Variants in NRXN3 observed in about 807,000 individuals in gnomAD.
NRXN3 encodes the protein neurexin 3, also known as neurexin III.
In NRXN3, 32 loss-of-function variants were observed where a neutral mutation model predicts 137.6. The ratio of observed to expected loss-of-function variants is 0.23; its 90% CI spans 0.18 to 0.31. NRXN3 has a LOEUF of 0.31. NRXN3 is among the 10% of genes least tolerant of loss of function. The pLI, the probability that NRXN3 is intolerant of heterozygous loss-of-function variation, is 1.00. For missense variants in NRXN3, 1,574 were observed against 2,062.5 expected, an observed-to-expected ratio of 0.76 and a Z score of 4.59; for synonymous variants, 798 against 784.5, an observed-to-expected ratio of 1.02 and a Z score of -0.29.
chr14:78,778,804 CTTTCTT>C (rs2098757503), intron 8 of NRXN3, among the ~76,000 whole-genome samples: 1 of 104,450 alleles, frequency 9.6e-6, no homozygotes, highest in African/African-American at 4.3e-5. Context: ...TTCTTTCTTT[CTTTCTT>C]TCTTTCTTTC....
At chr14:79,174,630 G>A (rs1201836288) in intron 15 of NRXN3, among the ~76,000 whole-genome samples, 1 of 147,892 alleles carries the variant, frequency 6.8e-6, no homozygotes, top group African/African-American at 2.5e-5. Flanking sequence ...TTTTGCGGTG[G>A]TTTAAAAAAA....
chr14:79,668,674 C>T (rs2098585188), intron 17 of NRXN3, among the ~76,000 whole-genome samples: 1 of 152,052 alleles, frequency 6.6e-6, no homozygotes, highest in East Asian at 1.9e-4. Context: ...ACATTTGGGG[C>T]TGGACACATC....
intron 15 of NRXN3, among the ~76,000 whole-genome samples, chr14:79,140,504 A>G (rs541006467): frequency 6.6e-6 from 1 of 151,984 alleles, no homozygotes; most frequent in Non-Finnish European, 1.5e-5. Context: ...CCTCCTGAGT[A>G]TAAGTGGATA....
intron 4 of NRXN3, among the ~76,000 whole-genome samples, chr14:78,554,472 C>G (rs572566864): frequency 6.6e-5 from 10 of 152,178 alleles, no homozygotes; most frequent in Non-Finnish European, 1.3e-4. Flanking sequence ...ACCAAATTGG[C>G]TTTTGGATCT....
intron 15 of NRXN3, among the ~76,000 whole-genome samples, chr14:79,169,987 T>G (rs1442235710): frequency 1.3e-5 from 2 of 152,160 alleles, no homozygotes; most frequent in African/African-American, 4.8e-5. Context: ...AGGGTAGGCA[T>G]AAGCTGGCGT....
chr14:79,341,518 C>T lies in NRXN3; in HGVS notation c.3263-125703C>T, dbSNP rs116026600. ...AGAATCAGCAGTTTAACAAGATCTC[C>T]GGAGGCTGTGGGGGAGACTCACAGG... On this transcript the variant is annotated intron_variant, in intron 15 of 20. Coordinates refer to ENST00000335750, the MANE Select transcript of NRXN3 (RefSeq NM_001330195.2). 3.7e-3 allele frequency among the ~76,000 whole-genome samples: 556 copies of T among 152,228 alleles called. 1 individual carries two copies. The highest frequency in any genetic ancestry group is 0.012 in the African/African-American group (515 of 41,530).
At chr14:78,217,063 T>TAA (rs2063365401) in intron 1 of NRXN3, among the ~76,000 whole-genome samples, 1 of 152,230 alleles carries the variant, frequency 6.6e-6, no homozygotes, top group African/African-American at 2.4e-5. Flanking sequence ...TACCAGGTGT[T>TAA]AAGACTTCAA....
chr14:78,404,331 G>T (rs1308354484), intron 4 of NRXN3, among the ~76,000 whole-genome samples: 1 of 152,054 alleles, frequency 6.6e-6, no homozygotes, highest in Non-Finnish European at 1.5e-5. Context: ...GGAGGAGGCA[G>T]CTATAGATTT....
At chr14:78,350,160 G>A (rs899144319) in intron 4 of NRXN3, among the ~76,000 whole-genome samples, 11 of 152,060 alleles carry the variant, frequency 7.2e-5, no homozygotes, top group Admixed American at 2.6e-4. Context: ...ATGGTGGTGC[G>A]TACCTGTAAT....
chr14:79,126,127 T>G (rs942701630), intron 15 of NRXN3, among the ~76,000 whole-genome samples: 152 of 152,228 alleles, frequency 1.0e-3, no homozygotes, highest in African/African-American at 3.6e-3. Flanking sequence ...TAATTTTAAT[T>G]AACTTAAACT....
chr14:79,060,181 C>T (rs969395324), intron 15 of NRXN3, among the ~76,000 whole-genome samples: 1 of 152,150 alleles, frequency 6.6e-6, no homozygotes, highest in Non-Finnish European at 1.5e-5. Flanking sequence ...AAGTCCCATT[C>T]AATGTTCTGT....
chr14:79,108,059 T>C (rs2052777888), intron 15 of NRXN3, among the ~76,000 whole-genome samples: 1 of 152,130 alleles, frequency 6.6e-6, no homozygotes. Context: ...GTAGAATTTG[T>C]GAACAGGGAA....
chr14:79,572,501 G>A (rs890051422), intron 16 of NRXN3, among the ~76,000 whole-genome samples: 2 of 152,128 alleles, frequency 1.3e-5, no homozygotes, highest in African/African-American at 2.4e-5. Flanking sequence ...TGAGTCCAAA[G>A]GAGAGGTTCA....
At chr14:79,659,829 A>T (rs1279029873) in intron 16 of NRXN3, among the ~76,000 whole-genome samples, 1 of 152,194 alleles carries the variant, frequency 6.6e-6, no homozygotes, top group Admixed American at 6.5e-5. Context: ...TGCTAGGCTA[A>T]AACCCACATT....
rs758335044 is a variant in NRXN3, at chr14:79,697,933, T to C, written c.4010T>C (p.Ile1337Thr). ...TTRKNRSTASIQPTSDDLVSS... is the reference protein window; with the variant it reads ...TTRKNRSTASTQPTSDDLVSS... ...CGTAAGAATCGCTCTACAGCCAGCA[T>C]TCAGGTAGGCCTTTTTCCAAGTATT... The change falls in exon 19 of 21, where the codon ATT becomes ACT. Residue 1337 changes from isoleucine to threonine, a missense_variant. This residue lies in a region of NRXN3 where 320 missense variants were observed against 387.1 expected (regional missense o/e 0.83). Transcript: ENST00000335750. 11 of 1,608,450 alleles carry C rather than the reference T, an allele frequency of 6.8e-6. No homozygotes were observed. In the South Asian group the frequency reaches 1.2e-4, roughly 18 times the overall value.
intron 15 of NRXN3, among the ~76,000 whole-genome samples, chr14:79,407,961 C>G (rs182711077): frequency 2.0e-5 from 3 of 152,200 alleles, no homozygotes; most frequent in Admixed American, 2.0e-4. Flanking sequence ...AATATTGGTT[C>G]ATATCTTGTT....
intron 15 of NRXN3, among the ~76,000 whole-genome samples, chr14:79,147,868 C>T (rs1412803401): frequency 6.6e-6 from 1 of 152,038 alleles, no homozygotes; most frequent in Non-Finnish European, 1.5e-5. Flanking sequence ...TGACAGCTCT[C>T]TATGCAGTTT....
intron 10 of NRXN3, among the ~76,000 whole-genome samples, chr14:78,844,001 A>G (rs566286497): frequency 5.9e-5 from 9 of 152,202 alleles, no homozygotes; most frequent in African/African-American, 2.2e-4. Context: ...CTGGTGGCTT[A>G]CAAAAATACA....
rs145505597 is a variant in NRXN3, at chr14:78,630,734, A to G, written c.758-14386A>G. ...ATTCTCCTGCCTCATCTTCCAGAGT[A>G]GCTGGGACTGCAGGTGCCTGCCACA... On this transcript the variant is annotated intron_variant, in intron 4 of 20. Transcript: ENST00000335750. 2.2e-3 allele frequency among the ~76,000 whole-genome samples: 337 copies of G among 151,956 alleles called. 1 individual carries two copies. Among genetic ancestry groups the G allele is most frequent in the South Asian group, 5.8e-3 (28 of 4,822 alleles).
Sources: allele counts gnomAD v4.1 joint callset (sites outside exome capture counted in the v4.1 genomes callset), GRCh38; gene constraint gnomAD v4.1.1; regional missense constraint gnomAD v4.1.1; transcripts MANE v1.5; gene names NCBI Gene and HGNC (gene_info 2026-07-23, HGNC 2026-07-21).